The following DLGAP4 variants were observed in gnomAD, a reference collection of about 807,000 sequenced individuals.
The protein encoded by DLGAP4 is disks large-associated protein 4.
In DLGAP4, 18 loss-of-function variants were observed where a neutral mutation model predicts 86.9. The observed-to-expected ratio is 0.21, with a 90% CI of 0.14 to 0.31. DLGAP4 has a LOEUF of 0.31. Among genes scored for constraint, DLGAP4 ranks in the 10% least tolerant of loss-of-function variants. The probability of loss-of-function intolerance (pLI) is 1.00; values close to 1 mark genes in which losing one functional copy is unlikely to be tolerated. For synonymous variants in DLGAP4, 548 were observed against 574.3 expected, an observed-to-expected ratio of 0.95 and a Z score of 0.65; for missense variants, 1,085 against 1,362.6, an observed-to-expected ratio of 0.80 and a Z score of 3.21.
chr20:36,510,186 C>T (rs549427258), intron 10 of DLGAP4, among the ~76,000 whole-genome samples: 6 of 152,140 alleles, frequency 3.9e-5, no homozygotes, highest in African/African-American at 9.6e-5. Context: ...TCCATACTTA[C>T]GCAGGGGTAT....
chr20:36,459,794 A>C (rs905204576), intron 7 of DLGAP4, among the ~76,000 whole-genome samples: 1 of 152,070 alleles, frequency 6.6e-6, no homozygotes, highest in African/African-American at 2.4e-5. Flanking sequence ...TTTAGTAGAG[A>C]CGGGATTTCT....
intron 10 of DLGAP4, among the ~76,000 whole-genome samples, chr20:36,513,410 C>T (rs866400595): frequency 1.9e-4 from 29 of 150,098 alleles, no homozygotes; most frequent in South Asian, 8.5e-4. Flanking sequence ...TAGCCGGGCG[C>T]GGTGGCGGGC....
chr20:36,317,290 TTCTTA>T (rs1356637760), intron 1 of DLGAP4, among the ~76,000 whole-genome samples: 51,825 of 92,316 alleles, frequency 0.56, 15,906 homozygotes, highest in South Asian at 0.77. Flanking sequence ...CTTTCTTTCT[TTCTTA>T]TCTTTCTTTC....
At chr20:36,326,545 A>G (rs1294081382) in intron 1 of DLGAP4, among the ~76,000 whole-genome samples, 2 of 152,206 alleles carry the variant, frequency 1.3e-5, no homozygotes, top group Non-Finnish European at 2.9e-5. Flanking sequence ...TTATATGTGT[A>G]ATAAGCACAA....
At chr20:36,396,375 CCCCACAT>C (rs2031964360) in intron 2 of DLGAP4, among the ~76,000 whole-genome samples, 8 of 3,544 alleles carry the variant, frequency 2.3e-3, no homozygotes, top group Admixed American at 0.011. Flanking sequence ...CATACACACA[CCCCACAT>C]ACACACATGC....
intron 1 of DLGAP4, among the ~76,000 whole-genome samples, chr20:36,347,107 T>C (rs1386523006): frequency 6.6e-6 from 1 of 151,582 alleles, no homozygotes; most frequent in Admixed American, 6.6e-5. Flanking sequence ...GTGCTCTGTC[T>C]GGTTGGGGAG....
intron 2 of DLGAP4, among the ~76,000 whole-genome samples, chr20:36,369,275 T>TA (rs1475500464): frequency 6.6e-6 from 1 of 152,182 alleles, no homozygotes; most frequent in Non-Finnish European, 1.5e-5. Context: ...CACAGTCATT[T>TA]ATTTTTTTTA....
At chr20:36,493,438 T>G in intron 7 of DLGAP4, among the ~76,000 whole-genome samples, 1 of 152,196 alleles carries the variant, frequency 6.6e-6, no homozygotes, top group Non-Finnish European at 1.5e-5. Context: ...TGCAGTATGC[T>G]GTGACCCAGT....
At chr20:36,341,917 A>G (rs925297185) in intron 1 of DLGAP4, among the ~76,000 whole-genome samples, 7 of 152,220 alleles carry the variant, frequency 4.6e-5, no homozygotes, top group Admixed American at 6.5e-5. Context: ...CTGGCAGAGC[A>G]GGCTCAGCTC....
At chr20:36,349,477 A>G (rs2030070825) in intron 1 of DLGAP4, among the ~76,000 whole-genome samples, 1 of 151,732 alleles carries the variant, frequency 6.6e-6, no homozygotes, top group African/African-American at 2.4e-5. Flanking sequence ...ACGTAGCCTG[A>G]AGAGGAGGGG....
chr20:36,520,995 G>A (rs897778388), intron 10 of DLGAP4, among the ~76,000 whole-genome samples: 8 of 152,134 alleles, frequency 5.3e-5, no homozygotes, highest in Admixed American at 5.2e-4. Flanking sequence ...ACCAAGCCCG[G>A]CTAATTTTAG....
rs920679817 is a variant in DLGAP4, at chr20:36,310,427, G to A, written c.-304+3915G>A. 3.1e-3 allele frequency among the ~76,000 whole-genome samples: 478 copies of A among 152,152 alleles called. 26 individuals are homozygous for A. The East Asian group carries it at 0.076, about 24-fold the overall frequency. On this transcript the variant is annotated intron_variant, in intron 1 of 12. Transcript: ENST00000339266. ...TCCACTCTTCTAGGAGCCCTGTTGCGAATTTGCTGTGTTTCTTTGGATGAG... is the reference window on the plus strand; with the variant it reads ...TCCACTCTTCTAGGAGCCCTGTTGCAAATTTGCTGTGTTTCTTTGGATGAG...
Position 36,500,088 on chromosome 20 carries a change from T to C in DLGAP4, c.2100-111T>C. 3.2e-6 allele frequency: 4 copies of C among 1,240,106 alleles called. No homozygotes were observed. The highest frequency in any genetic ancestry group is 4.5e-6 in the Non-Finnish European group (4 of 896,788). The allele number at this position is 1,240,106 out of a possible 1,614,324, so 76.8% of individuals were successfully genotyped here. A position where few individuals can be genotyped will look rare whatever the true frequency, so the allele number is the denominator to read the frequency against. Reference sequence around the variant, plus strand: ...CTTCAGGCGCATGGTGAGCAGATGATGCATCCGTTTCTCTGTCTCCCGTGT... The same window carrying C: ...CTTCAGGCGCATGGTGAGCAGATGACGCATCCGTTTCTCTGTCTCCCGTGT... On this transcript the variant is annotated intron_variant, in intron 9 of 12. Transcript: ENST00000339266. This position sits in a 1 kb window ranked among gnomAD's most constrained non-coding sequence, Gnocchi z 4.6.
intron 1 of DLGAP4, among the ~76,000 whole-genome samples, chr20:36,345,379 G>T (rs2029905412): frequency 6.6e-6 from 1 of 152,150 alleles, no homozygotes; most frequent in African/African-American, 2.4e-5. Context: ...CCATTTGTTT[G>T]TGGTCATATC....
At position 36,496,685 on chromosome 20, in the gene DLGAP4, C is replaced by G. The variant is rs748946213; in HGVS notation, c.1649-20C>G. 1 of 1,587,436 alleles carries G rather than the reference C, an allele frequency of 6.3e-7. No homozygotes were observed. Among genetic ancestry groups the G allele is most frequent in the Non-Finnish European group, 8.6e-7 (1 of 1,160,962 alleles). On this transcript the variant is annotated intron_variant, in intron 7 of 12. Coordinates refer to ENST00000339266, the MANE Select transcript of DLGAP4 (RefSeq NM_001365621.2). ...TTCACCATCTCACCTCTCCCCTGCC[C>G]TTCTCTCATCCATCTGCAGGTTCAT...
At chr20:36,321,063 C>T (rs569633628) in intron 1 of DLGAP4, among the ~76,000 whole-genome samples, 36 of 152,220 alleles carry the variant, frequency 2.4e-4, no homozygotes, top group South Asian at 1.0e-3. Context: ...AGTCTAGGAG[C>T]GGGATCATAG....
intron 2 of DLGAP4, among the ~76,000 whole-genome samples, chr20:36,367,746 T>C (rs2030744473): frequency 1.3e-5 from 2 of 152,010 alleles, no homozygotes; most frequent in Non-Finnish European, 2.9e-5. Flanking sequence ...CCCTCTGGCC[T>C]GTTCTCCCCA....
At position 36,513,477 on chromosome 20, in the gene DLGAP4, A is replaced by G. The variant is rs949697615; in HGVS notation, c.2513-10773A>G. On this transcript the variant is annotated intron_variant, in intron 10 of 12. Transcript: ENST00000339266. The stretch of plus-strand genomic sequence containing the variant: ...GCAGGAGAATGGCGTGAACCCGGGA[A>G]GCGGAGCTTGCAGTGAGCCGAGATT... Among the ~76,000 whole-genome samples, 64 of 147,264 alleles carry G rather than the reference A, an allele frequency of 4.3e-4. 1 individual carries two copies. The highest frequency in any genetic ancestry group is 3.7e-3 in the South Asian group (17 of 4,602).
chr20:36,318,392 C>G (rs1281575092), intron 1 of DLGAP4, among the ~76,000 whole-genome samples: 1 of 152,100 alleles, frequency 6.6e-6, no homozygotes, highest in African/African-American at 2.4e-5. Flanking sequence ...AGCTGGTGGA[C>G]CCAGGATTGT....
Sources: allele counts gnomAD v4.1 joint callset (sites outside exome capture counted in the v4.1 genomes callset), GRCh38; gene constraint gnomAD v4.1.1; non-coding constraint Gnocchi (gnomAD v3.1); transcripts MANE v1.5; gene names NCBI Gene and HGNC (gene_info 2026-07-23, HGNC 2026-07-21).